The following NBEA variants were observed in gnomAD, a reference collection of about 807,000 sequenced individuals.
NBEA encodes the protein neurobeachin.
A neutral mutation model predicts 343.4 loss-of-function variants in NBEA; 44 were observed. The observed-to-expected ratio is 0.13, with a 90% CI of 0.10 to 0.16. The LOEUF (loss-of-function observed/expected upper bound fraction) is 0.16. Among genes scored for constraint, NBEA ranks in the 10% least tolerant of loss-of-function variants. The pLI, the probability that NBEA is intolerant of heterozygous loss-of-function variation, is 1.00. For synonymous variants in NBEA, 1,175 were observed against 1,238.7 expected (o/e 0.95, Z 1.08); for missense variants, 2,555 against 3,631.3 (o/e 0.70, Z 7.62).
chr13:35,349,678 C>T (rs754246893), intron 37 of NBEA, among the ~76,000 whole-genome samples: 1 of 151,836 alleles, frequency 6.6e-6, no homozygotes, highest in East Asian at 1.9e-4. Flanking sequence ...AAAATAGGTC[C>T]GAGAAATATT....
At chr13:34,991,209 A>G (rs987847430) in intron 1 of NBEA, among the ~76,000 whole-genome samples, 3 of 152,066 alleles carry the variant, frequency 2.0e-5, no homozygotes, top group African/African-American at 7.2e-5. Flanking sequence ...CTGCTTCCAC[A>G]TTTTCAGGGA....
intron 11 of NBEA, among the ~76,000 whole-genome samples, chr13:35,104,385 A>G (rs1183898544): frequency 1.3e-5 from 2 of 151,928 alleles, no homozygotes; most frequent in Admixed American, 1.3e-4. Flanking sequence ...TGTAGGCTTT[A>G]TGAAAGCAGG....
intron 40 of NBEA, among the ~76,000 whole-genome samples, chr13:35,457,008 A>G (rs2046618128): frequency 6.6e-6 from 1 of 151,054 alleles, no homozygotes; most frequent in Admixed American, 6.6e-5. Flanking sequence ...ATATATAGAT[A>G]TAGATATATA....
chr13:34,991,739 G>A (rs939822725), intron 1 of NBEA, among the ~76,000 whole-genome samples: 1 of 152,120 alleles, frequency 6.6e-6, no homozygotes, highest in South Asian at 2.1e-4. Flanking sequence ...CAATATGCAT[G>A]CCATTTCTTT....
intron 35 of NBEA, among the ~76,000 whole-genome samples, chr13:35,295,558 G>A (rs1169978037): frequency 6.6e-6 from 1 of 152,050 alleles, no homozygotes; most frequent in Non-Finnish European, 1.5e-5. Context: ...AAGTTAAACA[G>A]GAAGGTGAAA....
chr13:35,325,748 A>T (rs992736241), intron 36 of NBEA, among the ~76,000 whole-genome samples: 7 of 152,084 alleles, frequency 4.6e-5, no homozygotes, highest in Admixed American at 1.3e-4. Flanking sequence ...CTAGAAAGGT[A>T]TTTCCTGTGT....
intron 34 of NBEA, among the ~76,000 whole-genome samples, chr13:35,249,318 GAAAGGC>G (rs2031664422): frequency 6.6e-6 from 1 of 152,094 alleles, no homozygotes; most frequent in Admixed American, 6.5e-5. Flanking sequence ...TCAACAGAGT[GAAAGGC>G]AAAGGCAACC....
At position 35,393,012 on chromosome 13, in the gene NBEA, G is replaced by A. The variant is rs73169750; in HGVS notation, c.6180-39257G>A. On this transcript the variant is annotated intron_variant, in intron 38 of 58. Coordinates refer to ENST00000379939, the MANE Select transcript of NBEA (RefSeq NM_001385012.1). Reference sequence around the variant, plus strand: ...TTGGCTATCCAGAGCTAGCACTTTCGGAGTCCTATTCAGTAATTATGATCT... The same window carrying A: ...TTGGCTATCCAGAGCTAGCACTTTCAGAGTCCTATTCAGTAATTATGATCT... Among the ~76,000 whole-genome samples, 804 of 152,158 alleles carry A rather than the reference G, an allele frequency of 5.3e-3. 5 individuals carry two copies. Among genetic ancestry groups the A allele is most frequent in the Non-Finnish European group, 7.6e-3 (518 of 67,954 alleles).
chr13:35,156,973 T>C, intron 20 of NBEA, 105 bp from the exon 21 acceptor site: 4 of 911,784 alleles, frequency 4.4e-6, no homozygotes, highest in Non-Finnish European at 6.4e-6. Flanking sequence ...CTTGCTTTAC[T>C]GAGGTCAGAT....
At chr13:35,361,280 G>A (rs898676510) in intron 38 of NBEA, among the ~76,000 whole-genome samples, 24 of 152,042 alleles carry the variant, frequency 1.6e-4, no homozygotes, top group Admixed American at 5.2e-4. Context: ...GAAGTATTAA[G>A]AGAAGTCTTC....
intron 10 of NBEA, among the ~76,000 whole-genome samples, chr13:35,096,857 T>G (rs888153171): frequency 1.3e-5 from 2 of 151,936 alleles, no homozygotes; most frequent in Non-Finnish European, 2.9e-5. Flanking sequence ...ACAGAAACAT[T>G]TTTTTAAATC....
chr13:35,282,827 T>C (rs921813601), intron 34 of NBEA, among the ~76,000 whole-genome samples: 1 of 152,194 alleles, frequency 6.6e-6, no homozygotes, highest in Non-Finnish European at 1.5e-5. Context: ...TATTTGTATG[T>C]CTTATCTCTG....
intron 33 of NBEA, among the ~76,000 whole-genome samples, chr13:35,216,884 A>G (rs866224459): frequency 1.3e-5 from 2 of 151,924 alleles, no homozygotes; most frequent in South Asian, 4.1e-4. Context: ...TTATGTGAAC[A>G]TACATTTTTG....
intron 41 of NBEA, among the ~76,000 whole-genome samples, chr13:35,482,294 G>A (rs1435994483): frequency 6.6e-6 from 1 of 151,200 alleles, no homozygotes; most frequent in Non-Finnish European, 1.5e-5. Flanking sequence ...AAGGAAATTA[G>A]TTTATAAATA....
At position 35,310,403 on chromosome 13, in the gene NBEA, C is replaced by A. The variant is rs112917435; in HGVS notation, c.5903+811C>A. ...GTCAGTGGCAAAACTGTTGAAAGGG[C>A]AATAGTTGAAGCTGTTGGGTTTTAT... On this transcript the variant is annotated intron_variant, in intron 36 of 58. Coordinates refer to ENST00000379939, the MANE Select transcript of NBEA (RefSeq NM_001385012.1). Among the ~76,000 whole-genome samples, 333 of 152,168 alleles carry A rather than the reference C, an allele frequency of 2.2e-3. 1 individual carries two copies. Among genetic ancestry groups the A allele is most frequent in the Non-Finnish European group, 4.3e-3 (294 of 67,982 alleles).
intron 48 of NBEA, among the ~76,000 whole-genome samples, chr13:35,617,431 T>C (rs1216608610): frequency 1.3e-5 from 2 of 152,220 alleles, no homozygotes; most frequent in Non-Finnish European, 2.9e-5. Context: ...TGTTTCTGTG[T>C]TGTGCTTCTG....
intron 30 of NBEA, among the ~76,000 whole-genome samples, chr13:35,187,117 A>G (rs1255101385): frequency 1.3e-5 from 2 of 151,906 alleles, no homozygotes; most frequent in African/African-American, 2.4e-5. Context: ...TTCATATTTT[A>G]TTTTCTAAAT....
chr13:35,333,444 G>A (rs2039054124), intron 36 of NBEA, among the ~76,000 whole-genome samples: 1 of 151,968 alleles, frequency 6.6e-6, no homozygotes, highest in African/African-American at 2.4e-5. Flanking sequence ...TATTTGTGGG[G>A]TACGAGATGT....
Position 35,159,442 on chromosome 13 carries a change from G to A in NBEA, c.3271G>A (p.Glu1091Lys), listed in dbSNP as rs1329124974. The change falls in exon 22 of 59, where the codon GAG (glutamate) becomes AAG (lysine). Residue 1091 changes from glutamate to lysine, a missense_variant. By Grantham distance (56) the Glu-to-Lys change is moderately conservative. This residue lies in a region of NBEA where 367 missense variants were observed against 377.5 expected (regional missense o/e 0.97). Coordinates refer to ENST00000379939, the MANE Select transcript of NBEA (RefSeq NM_001385012.1). ...LVGGENGALV[E>K]VESLLDNVYS... ...AGGTGGAGAGAATGGTGCCCTTGTGGAGGTTGAATCTCTGTTGGATAATGT... is the reference window on the plus strand; with the variant it reads ...AGGTGGAGAGAATGGTGCCCTTGTGAAGGTTGAATCTCTGTTGGATAATGT... 1 of 1,613,402 alleles carries A rather than the reference G, an allele frequency of 6.2e-7. No individual in the cohort carries two copies. Among genetic ancestry groups the A allele is most frequent in the Non-Finnish European group, 8.5e-7 (1 of 1,179,654 alleles).
Sources: allele counts gnomAD v4.1 joint callset (sites outside exome capture counted in the v4.1 genomes callset), GRCh38; gene constraint gnomAD v4.1.1; regional missense constraint gnomAD v4.1.1; transcripts MANE v1.5; gene names NCBI Gene and HGNC (gene_info 2026-07-23, HGNC 2026-07-21).